Variants in NDRG1 observed in about 807,000 individuals in gnomAD.
The protein encoded by NDRG1 is protein NDRG1.
A neutral mutation model predicts 56.9 loss-of-function variants in NDRG1; 32 were observed. The observed-to-expected ratio is 0.56, with a 90% confidence interval of 0.42 to 0.76. The LOEUF (loss-of-function observed/expected upper bound fraction) is 0.76. NDRG1 is among the 30% of genes least tolerant of loss of function. The pLI, the probability that NDRG1 is intolerant of heterozygous loss-of-function variation, is 0.00. For synonymous variants in NDRG1, 211 were observed against 204.1 expected (o/e 1.03, Z -0.29); for missense variants, 507 against 545.7 (o/e 0.93, Z 0.71).
chr8:133,260,390 A>G (rs970689781), intron 5 of NDRG1, among the ~76,000 whole-genome samples: 6 of 152,192 alleles, frequency 3.9e-5, no homozygotes, highest in Non-Finnish European at 8.8e-5. Flanking sequence ...CTCCAGGAGG[A>G]AGAAACAAGT....
intron 3 of NDRG1, among the ~76,000 whole-genome samples, chr8:133,275,899 G>C (rs1456317244): frequency 6.6e-6 from 1 of 152,076 alleles, no homozygotes. Flanking sequence ...TTCTGTGCTC[G>C]GCAGTGCTGA....
At chr8:133,290,446 G>A (rs931146551) in intron 1 of NDRG1, among the ~76,000 whole-genome samples, 17 of 152,148 alleles carry the variant, frequency 1.1e-4, no homozygotes, top group East Asian at 1.9e-4. Context: ...TTTAACAGAC[G>A]GGGAAACTGA....
chr8:133,290,671 TCA>T (rs1257231929), intron 1 of NDRG1, among the ~76,000 whole-genome samples: 2 of 152,162 alleles, frequency 1.3e-5, no homozygotes, highest in Non-Finnish European at 2.9e-5. Context: ...GCTGGGACAG[TCA>T]CATGCCTCTC....
intron 3 of NDRG1, among the ~76,000 whole-genome samples, chr8:133,270,819 T>C (rs933751225): frequency 1.3e-5 from 2 of 152,334 alleles, no homozygotes; most frequent in East Asian, 3.9e-4. Flanking sequence ...CCTAATGATA[T>C]AACCACCACG....
chr8:133,247,011 C>T (rs1855723780), intron 12 of NDRG1, among the ~76,000 whole-genome samples: 1 of 152,220 alleles, frequency 6.6e-6, no homozygotes, highest in Admixed American at 6.5e-5. Context: ...TAACCAGCAG[C>T]TGCCAGAGAT....
At chr8:133,280,375 T>A in intron 2 of NDRG1, 108 bp from the exon 3 acceptor site, 2 of 1,014,114 alleles carry the variant, frequency 2.0e-6, no homozygotes, top group Non-Finnish European at 3.1e-6. Context: ...CTACACTTCC[T>A]CCTTTGTGGG....
chr8:133,251,397 C>T (rs768612722), intron 9 of NDRG1, among the ~76,000 whole-genome samples: 27 of 152,298 alleles, frequency 1.8e-4, no homozygotes, highest in South Asian at 4.1e-4. Flanking sequence ...GGTCAACTGG[C>T]TACTAAGAGC....
At chr8:133,287,977 TCA>T (rs1288737752) in intron 1 of NDRG1, among the ~76,000 whole-genome samples, 1 of 151,782 alleles carries the variant, frequency 6.6e-6, no homozygotes, top group Non-Finnish European at 1.5e-5. Context: ...TCAAATGCAC[TCA>T]CACATTCCCT....
chr8:133,275,504 T>C lies in NDRG1; in HGVS notation c.99+4728A>G, dbSNP rs866389586. Among the ~76,000 whole-genome samples, 11 of 152,278 alleles carry C rather than the reference T, an allele frequency of 7.2e-5. No individual in the cohort carries two copies. In the South Asian group the frequency reaches 1.0e-3, roughly 14 times the overall value. On this transcript the variant is annotated intron_variant, in intron 3 of 15. Transcript: ENST00000323851. Reference sequence around the variant, plus strand: ...GAATGATCTATCCCCAGTCTCTTTGTCACGTGACTGGCTCTATCTATCTTT... The same window carrying C: ...GAATGATCTATCCCCAGTCTCTTTGCCACGTGACTGGCTCTATCTATCTTT...
chr8:133,290,861 G>A (rs1858390837), intron 1 of NDRG1, among the ~76,000 whole-genome samples: 1 of 152,214 alleles, frequency 6.6e-6, no homozygotes, highest in East Asian at 1.9e-4. Context: ...TCAGCACACT[G>A]TTTCACTTGC....
At chr8:133,279,266 C>T (rs1857642935) in intron 3 of NDRG1, among the ~76,000 whole-genome samples, 2 of 152,156 alleles carry the variant, frequency 1.3e-5, no homozygotes, top group African/African-American at 4.8e-5. Flanking sequence ...AAATACACAC[C>T]TTGGTGGTGG....
intron 14 of NDRG1, among the ~76,000 whole-genome samples, chr8:133,242,866 G>A (rs1855462343): frequency 6.6e-6 from 1 of 152,246 alleles, no homozygotes. Flanking sequence ...ATGAATGGAT[G>A]ATGGTTGGAT....
At chr8:133,293,935 TC>T (rs1858580129) in intron 1 of NDRG1, among the ~76,000 whole-genome samples, 1 of 152,142 alleles carries the variant, frequency 6.6e-6, no homozygotes, top group Non-Finnish European at 1.5e-5. Context: ...GGACAAAGGG[TC>T]CCAGACTCTG....
chr8:133,281,628 C>T (rs1247259744), intron 2 of NDRG1, among the ~76,000 whole-genome samples: 2 of 152,116 alleles, frequency 1.3e-5, no homozygotes, highest in South Asian at 2.1e-4. Flanking sequence ...GAAAACAAGA[C>T]GGCTCAGCAG....
At chr8:133,253,740 C>T (rs934789081) in intron 9 of NDRG1, among the ~76,000 whole-genome samples, 12 of 152,300 alleles carry the variant, frequency 7.9e-5, no homozygotes, top group Admixed American at 3.3e-4. Context: ...GTCACCTAGG[C>T]GGAATACAGT....
At chr8:133,296,557 G>A (rs1387065818) in intron 1 of NDRG1, 3 of 455,914 alleles carry the variant, frequency 6.6e-6, no homozygotes. Context: ...CAGCCTCTCG[G>A]ATCCACACCC....
At chr8:133,254,887 C>T (rs1228848411) in intron 8 of NDRG1, 1 of 446,768 alleles carries the variant, frequency 2.2e-6, no homozygotes, top group Non-Finnish European at 4.1e-6. Flanking sequence ...TGCTAGCTTA[C>T]CCTGCTCCAA....
chr8:133,267,908 G>A (rs2130753477), intron 3 of NDRG1, among the ~76,000 whole-genome samples: 1 of 152,322 alleles, frequency 6.6e-6, no homozygotes, highest in African/African-American at 2.4e-5. Context: ...GCAGGCAGCA[G>A]AGGGTACTAA....
At chr8:133,276,235 T>C (rs1045281948) in intron 3 of NDRG1, among the ~76,000 whole-genome samples, 1 of 152,200 alleles carries the variant, frequency 6.6e-6, no homozygotes, top group Non-Finnish European at 1.5e-5. Context: ...GCCACATAGG[T>C]TGACCTTCCC....
Sources: allele counts gnomAD v4.1 joint callset (sites outside exome capture counted in the v4.1 genomes callset), GRCh38; gene constraint gnomAD v4.1.1; transcripts MANE v1.5; gene names NCBI Gene and HGNC (gene_info 2026-07-23, HGNC 2026-07-21).